NT5E: variants seen among roughly 807,000 people sequenced by gnomAD.
The protein encoded by NT5E is 5'-nucleotidase.
NT5E carries 53 observed loss-of-function variants against 55.1 expected under a neutral mutation model. That is an observed-to-expected ratio of 0.96 (90% CI 0.77 to 1.21). The LOEUF (loss-of-function observed/expected upper bound fraction) is 1.21, where lower values mean the gene tolerates loss of function less well. Ranked by LOEUF, NT5E falls within the 50% of genes most tolerant of loss-of-function variation. The probability of loss-of-function intolerance (pLI) is 0.00; values close to 1 mark genes in which losing one functional copy is unlikely to be tolerated. For missense variants in NT5E, 683 were observed against 724.3 expected, an observed-to-expected ratio of 0.94 and a Z score of 0.65; for synonymous variants, 270 against 278.4, an observed-to-expected ratio of 0.97 and a Z score of 0.30.
intron 3 of NT5E, among the ~76,000 whole-genome samples, chr6:85,472,304 T>TA (rs1283214104): frequency 6.6e-6 from 1 of 152,138 alleles, no homozygotes; most frequent in African/African-American, 2.4e-5. Context: ...GCTATTTTGA[T>TA]AAAAGCGAAA....
intron 7 of NT5E, 125 bp downstream of exon 7, chr6:85,490,782 A>G (rs945940906): frequency 1.0e-6 from 1 of 996,858 alleles, no homozygotes; most frequent in African/African-American, 1.6e-5. Flanking sequence ...CCGACCCAAC[A>G]CCAATACCTT....
intron 1 of NT5E, among the ~76,000 whole-genome samples, chr6:85,455,972 T>C (rs967138641): frequency 1.3e-5 from 2 of 152,020 alleles, no homozygotes; most frequent in African/African-American, 2.4e-5. Flanking sequence ...GGCCCTTAGA[T>C]AGCTTCGGGA....
At chr6:85,484,596 G>T (rs2127724157) in intron 3 of NT5E, among the ~76,000 whole-genome samples, 1 of 152,232 alleles carries the variant, frequency 6.6e-6, no homozygotes, top group Middle Eastern at 3.4e-3. Flanking sequence ...ACACCTGAAG[G>T]GATGCAGAAT....
chr6:85,471,411 C>A lies in NT5E; in HGVS notation c.737C>A (p.Thr246Lys), dbSNP rs1441107158. The A allele has an allele frequency of 2.5e-6, 4 of 1,612,434 alleles. No individual in the cohort carries two copies. Among genetic ancestry groups the A allele is most frequent in the Middle Eastern group, 1.6e-4 (1 of 6,080 alleles). The change falls in exon 3 of 9, where the codon ACA becomes AAA. Residue 246 changes from threonine (T) to lysine (K), a missense_variant. Transcript: ENST00000257770. ...GTCGTGGTGGGAGGACACTCCAACA[C>A]ATTTCTTTACACAGGTAATTGTTTC... ...VDVVVGGHSN[T>K]FLYTGNPPSK... is the part of the protein sequence containing the mutation.
At chr6:85,454,156 C>G (rs1768945014) in intron 1 of NT5E, among the ~76,000 whole-genome samples, 1 of 152,198 alleles carries the variant, frequency 6.6e-6, no homozygotes. Context: ...ACCCTGCCTC[C>G]ACAAATAATG....
intron 3 of NT5E, 107 bp downstream of exon 3, chr6:85,471,532 TG>T: frequency 1.3e-6 from 1 of 761,512 alleles, no homozygotes; most frequent in Non-Finnish European, 2.1e-6. Context: ...TAATATGTAA[TG>T]TATATTATAT....
At chr6:85,472,514 T>C (rs1769336154) in intron 3 of NT5E, among the ~76,000 whole-genome samples, 1 of 152,236 alleles carries the variant, frequency 6.6e-6, no homozygotes, top group Non-Finnish European at 1.5e-5. Flanking sequence ...TCCCCATTCC[T>C]AATTCACTTG....
intron 3 of NT5E, among the ~76,000 whole-genome samples, chr6:85,483,386 A>G (rs1562143635): frequency 6.6e-6 from 1 of 152,212 alleles, no homozygotes; most frequent in Non-Finnish European, 1.5e-5. Context: ...AGGTTTGCCC[A>G]AAGGAGGACC....
At chr6:85,487,288 C>T in intron 4 of NT5E, 47 bp from the exon 5 acceptor site, 6 of 1,499,010 alleles carry the variant, frequency 4.0e-6, no homozygotes, top group Non-Finnish European at 5.6e-6. Context: ...CAGAATTTAG[C>T]CCAGTGTGAG....
intron 1 of NT5E, among the ~76,000 whole-genome samples, chr6:85,453,736 C>T (rs1768936037): frequency 6.6e-6 from 1 of 152,124 alleles, no homozygotes; most frequent in South Asian, 2.1e-4. Flanking sequence ...TAGCCCTAGC[C>T]AATTGCTCCT....
intron 1 of NT5E, among the ~76,000 whole-genome samples, chr6:85,459,767 G>C (rs1045354823): frequency 2.0e-5 from 3 of 152,186 alleles, no homozygotes; most frequent in Non-Finnish European, 4.4e-5. Flanking sequence ...CCTTCTGGGG[G>C]TATTTGTCAA....
chr6:85,484,398 T>A (rs1769607848), intron 3 of NT5E, among the ~76,000 whole-genome samples: 1 of 152,116 alleles, frequency 6.6e-6, no homozygotes, highest in Non-Finnish European at 1.5e-5. Flanking sequence ...ATGGCGACAC[T>A]CTCCACCCTC....
At chr6:85,457,823 T>G (rs2127754405) in intron 1 of NT5E, among the ~76,000 whole-genome samples, 1 of 152,300 alleles carries the variant, frequency 6.6e-6, no homozygotes, top group Admixed American at 6.5e-5. Context: ...AAAATTACTC[T>G]TCAGAAGATA....
At chr6:85,466,914 T>C in intron 1 of NT5E, 146 bp from the exon 2 acceptor site, 4 of 761,620 alleles carry the variant, frequency 5.3e-6, no homozygotes, top group Non-Finnish European at 8.9e-6. Flanking sequence ...AATGTGATGA[T>C]CTGAATGTCC....
chr6:85,451,649 C>T (rs1469714225), intron 1 of NT5E, among the ~76,000 whole-genome samples: 1 of 152,106 alleles, frequency 6.6e-6, no homozygotes, highest in East Asian at 1.9e-4. Flanking sequence ...AGAGAAACGT[C>T]CAGAGAAATC....
chr6:85,458,251 T>C (rs1769025412), intron 1 of NT5E, among the ~76,000 whole-genome samples: 1 of 152,196 alleles, frequency 6.6e-6, no homozygotes, highest in South Asian at 2.1e-4. Context: ...ACCAAAAAAG[T>C]AATTATTCCT....
At chr6:85,464,119 T>G (rs547908626) in intron 1 of NT5E, among the ~76,000 whole-genome samples, 1 of 146,210 alleles carries the variant, frequency 6.8e-6, no homozygotes, top group Non-Finnish European at 1.5e-5. Flanking sequence ...CTAGGCTTTA[T>G]GCAAATATAC....
intron 1 of NT5E, among the ~76,000 whole-genome samples, chr6:85,456,808 G>C (rs1227915606): frequency 6.6e-6 from 1 of 152,170 alleles, no homozygotes; most frequent in African/African-American, 2.4e-5. Flanking sequence ...AGTAAACGTG[G>C]GGGTGAGACT....
Position 85,489,575 on chromosome 6 carries a change from T to C in NT5E, c.1186T>C (p.Ser396Pro), listed in dbSNP as rs566262245. ...MCILNGGGIR[S>P]PIDERNNGTI... is the part of the protein sequence containing the mutation. ...CATTTTAAATGGAGGTGGTATCCGG[T>C]CGCCCATTGATGAACGCAACAATGG... The change falls in exon 6 of 9, where the codon TCG becomes CCG. Residue 396 changes from serine to proline, a missense_variant. Transcript: ENST00000257770. The C allele has an allele frequency of 1.8e-5, 29 of 1,613,738 alleles. No homozygotes were observed. The Admixed American group carries it at 2.0e-4, about 11-fold the overall frequency.
Sources: gnomAD v4.1 joint callset for allele counts (sites outside exome capture counted in the v4.1 genomes callset) on GRCh38, gnomAD v4.1.1 for gene constraint, MANE v1.5 for transcripts, NCBI Gene and HGNC (gene_info 2026-07-23, HGNC 2026-07-21) for gene names.